ZNF235: variants seen among roughly 807,000 people sequenced by gnomAD.
ZNF235 encodes the protein zfp-93.
ZNF235 carries 25 observed loss-of-function variants against 29.4 expected under a neutral mutation model. That is an observed-to-expected ratio of 0.85 (90% confidence interval 0.62 to 1.19). The LOEUF (loss-of-function observed/expected upper bound fraction) is 1.19. Ranked by LOEUF, ZNF235 falls within the 50% of genes most tolerant of loss-of-function variation. ZNF235 has a pLI of 0.00. For synonymous variants in ZNF235, 300 were observed against 295.3 expected, an observed-to-expected ratio of 1.02 and a Z score of -0.16; for missense variants, 788 against 885.0, an observed-to-expected ratio of 0.89 and a Z score of 1.39.
intron 4 of ZNF235, among the ~76,000 whole-genome samples, chr19:44,297,647 G>A (rs1975671851): frequency 6.6e-6 from 1 of 151,992 alleles, no homozygotes; most frequent in Admixed American, 6.6e-5. Context: ...ATTTTTAGTA[G>A]AGACAGGGTT....
intron 2 of ZNF235, among the ~76,000 whole-genome samples, chr19:44,303,089 T>C (rs923171623): frequency 2.4e-4 from 22 of 92,432 alleles, no homozygotes; most frequent in Non-Finnish European, 3.5e-4. Context: ...ATAATACATA[T>C]ATACAAATAT....
intron 4 of ZNF235, chr19:44,290,356 T>C (rs1975570065): frequency 6.6e-6 from 1 of 152,576 alleles, no homozygotes; most frequent in Non-Finnish European, 1.5e-5. Context: ...GCCAGAATAG[T>C]TGATAAAAAA....
rs190134763 is a variant in ZNF235, at chr19:44,298,481, C to T, written c.238+327G>A. ...GCAGATCTCAGCTCACTGCAACCCA[C>T]GCCTCCCAGGTTCAAGCAATCCCCC... On this transcript the variant is annotated intron_variant, in intron 4 of 4. Transcript: ENST00000291182. Among the ~76,000 whole-genome samples, 40 of 152,062 alleles carry T rather than the reference C, an allele frequency of 2.6e-4. No homozygotes were observed. The East Asian group carries it at 5.4e-3, about 21-fold the overall frequency.
rs1290646332 is a variant in ZNF235, at chr19:44,287,511, G to T, written c.1924C>A (p.Leu642Ile). ...GTGTGAATTATCTGATGGACTTGAA[G>T]ATTTGACCTCTGGCTGAAGGCCTTA... ...CGKAFSQRSN[L>I]QVHQIIHTGE... Residue 642 changes from leucine to isoleucine, a missense_variant, in exon 5 of 5, where the codon CTT becomes ATT. By Grantham distance (5) the Leu-to-Ile change is conservative. Coordinates refer to ENST00000291182, the MANE Select transcript of ZNF235 (RefSeq NM_004234.4). 1 of 1,613,964 alleles carries T rather than the reference G, an allele frequency of 6.2e-7. No homozygotes were observed. Among genetic ancestry groups the T allele is most frequent in the Admixed American group, 1.7e-5 (1 of 59,994 alleles).
At position 44,288,077 on chromosome 19, in the gene ZNF235, T is replaced by C; in HGVS notation, c.1358A>G (p.His453Arg). 2.5e-6 allele frequency: 4 copies of C among 1,614,206 alleles called. No individual in the cohort carries two copies. Among genetic ancestry groups the C allele is most frequent in the Non-Finnish European group, 3.4e-6 (4 of 1,180,036 alleles). Residue 453 changes from histidine (H) to arginine (R), a missense_variant, in exon 5 of 5, where the codon CAC becomes CGC. By Grantham distance (29) the His-to-Arg change is conservative (BLOSUM62 0). Transcript: ENST00000291182. ...SSNLHTHQRV[H>R]TEEKPYKCDE... Reference sequence around the variant, plus strand: ...ACATTTGTATGGTTTTTCTTCAGTGTGGACTCTCTGATGGGTATGAAGATT... The same window carrying C: ...ACATTTGTATGGTTTTTCTTCAGTGCGGACTCTCTGATGGGTATGAAGATT...
In ZNF235 at chr19:44,287,692, A is replaced by T. The variant is rs769072426; in HGVS notation, c.1743T>A (p.Ser581Arg). The T allele has an allele frequency of 6.2e-7, 1 of 1,612,812 alleles. No individual in the cohort carries two copies. Among genetic ancestry groups the T allele is most frequent in the Non-Finnish European group, 8.5e-7 (1 of 1,179,638 alleles). The change falls in exon 5 of 5, where the codon AGT becomes AGA. Residue 581 changes from serine to arginine, a missense_variant. Physicochemically the swap from Ser to Arg is moderately radical, Grantham distance 110 (BLOSUM62 -1). Coordinates refer to ENST00000291182, the MANE Select transcript of ZNF235 (RefSeq NM_004234.4). ...GATGGGCTTGAAGATTTGAAGCCTG[A>T]CTGAAACCCTTACCACACTCTTCAC... is the stretch of plus-strand genomic sequence containing the variant. ...YKCEECGKGF[S>R]QASNLQAHQS... is the part of the protein sequence containing the mutation.
rs1039886784 is a variant in ZNF235 at position 44,286,441 on chromosome 19, C to T, written c.*777G>A. On this transcript the variant is annotated 3_prime_UTR_variant, in exon 5 of 5. Transcript: ENST00000291182. Reference sequence around the variant, plus strand: ...CAGTACAGCTTAGTGTCCAAAAATTCTAATCATGTAAATTGCAGGGTCACA... The same window carrying T: ...CAGTACAGCTTAGTGTCCAAAAATTTTAATCATGTAAATTGCAGGGTCACA... 1 of 152,172 alleles carries T rather than the reference C, an allele frequency of 6.6e-6. No individual in the cohort carries two copies. The highest frequency in any genetic ancestry group is 1.5e-5 in the Non-Finnish European group (1 of 68,038). 9.4% of individuals were successfully genotyped at this position (152,172 alleles called of 1,614,324 possible).
intron 2 of ZNF235, among the ~76,000 whole-genome samples, chr19:44,302,884 A>C (rs994435494): frequency 3.0e-4 from 42 of 140,300 alleles, no homozygotes; most frequent in Non-Finnish European, 5.1e-4. Flanking sequence ...GTATGTGTTT[A>C]TATATACATA....
In ZNF235 at chr19:44,287,952, C is replaced by G. The variant is rs377265887; in HGVS notation, c.1483G>C (p.Gly495Arg). ...TGGAAACTTGAGGCTGAACTAAAAC[C>G]CTTACCACACTCTTCACATTTATAT... Reference protein sequence around the residue: ...KPYKCEECGKGFSSASSFQSH... With the variant: ...KPYKCEECGKRFSSASSFQSH... Residue 495 changes from glycine (G) to arginine (R), a missense_variant, in exon 5 of 5, where the codon GGT becomes CGT. Coordinates refer to ENST00000291182, the MANE Select transcript of ZNF235 (RefSeq NM_004234.4). 142 of 1,613,922 alleles carry G rather than the reference C, an allele frequency of 8.8e-5. No individual in the cohort carries two copies. The highest frequency in any genetic ancestry group is 1.6e-4 in the Middle Eastern group (1 of 6,084).
chr19:44,287,144 AATC>A lies in ZNF235; in HGVS notation c.*71_*73del. 6.9e-7 allele frequency: 1 copy of A among 1,440,854 alleles called. No individual in the cohort carries two copies. The highest frequency in any genetic ancestry group is 9.3e-7 in the Non-Finnish European group (1 of 1,078,562). 89.3% of individuals were successfully genotyped at this position (1,440,854 alleles called of 1,614,324 possible). ...TTCTAGTTTTAAAGGAACTTTTCACAATCATCAGCATGGACTTCCCAACGGAGA... is the reference window on the plus strand; with the variant it reads ...TTCTAGTTTTAAAGGAACTTTTCACAATCAGCATGGACTTCCCAACGGAGA... On this transcript the variant is annotated 3_prime_UTR_variant, in exon 5 of 5. Transcript: ENST00000291182.
At chr19:44,294,883 C>T (rs1267577753) in intron 4 of ZNF235, among the ~76,000 whole-genome samples, 2 of 152,118 alleles carry the variant, frequency 1.3e-5, no homozygotes, top group African/African-American at 4.8e-5. Context: ...TGACAAAATT[C>T]AGCATCCTCT....
rs762906182 is a variant in ZNF235, at chr19:44,303,347, A to G, written c.15+43T>C. On this transcript the variant is annotated intron_variant, in intron 2 of 4. Transcript: ENST00000291182. ...GAAAAATGTGTCCAATCTTTGTGAA[A>G]TGAGATGTCATTTTAAGAAACACAA... is the stretch of plus-strand genomic sequence containing the variant. 5.6e-6 allele frequency: 9 copies of G among 1,603,056 alleles called. No homozygotes were observed. The South Asian group carries it at 9.9e-5, about 18-fold the overall frequency.
At position 44,304,975 on chromosome 19, in the gene ZNF235, C is replaced by G; in HGVS notation, c.-53G>C. ...GGAGACCCGGAGCTGACTCACCTCC[C>G]TGGGAGATATCTCAGATCCGACCTC... On this transcript the variant is annotated 5_prime_UTR_variant, in exon 1 of 5. Transcript: ENST00000291182. 2 of 981,470 alleles carry G rather than the reference C, an allele frequency of 2.0e-6. No individual in the cohort carries two copies. Among genetic ancestry groups the G allele is most frequent in the Non-Finnish European group, 2.4e-6 (2 of 826,290 alleles). 60.8% of individuals were successfully genotyped at this position (981,470 alleles called of 1,614,324 possible).
chr19:44,300,839 CAAAAA>C (rs143676501), intron 2 of ZNF235, among the ~76,000 whole-genome samples: 2 of 95,894 alleles, frequency 2.1e-5, no homozygotes, highest in Admixed American at 1.1e-4. Context: ...GACTCCGTCT[CAAAAA>C]AAAAAAAAAA....
Position 44,287,486 on chromosome 19 carries a change from G to T in ZNF235, c.1949C>A (p.Thr650Asn). Residue 650 changes from threonine (T) to asparagine (N), a missense_variant, in exon 5 of 5, where the codon ACT becomes AAT. Physicochemically the swap from Thr to Asn is moderately conservative, Grantham distance 65. Transcript: ENST00000291182. Reference protein sequence around the residue: ...SNLQVHQIIHTGEKPFKCEEC... With the variant: ...SNLQVHQIIHNGEKPFKCEEC... ...CTCACATTTAAATGGTTTCTCTCCAGTGTGAATTATCTGATGGACTTGAAG... is the reference window on the plus strand; with the variant it reads ...CTCACATTTAAATGGTTTCTCTCCATTGTGAATTATCTGATGGACTTGAAG... 1.2e-6 allele frequency: 2 copies of T among 1,614,098 alleles called. No homozygotes were observed.
rs1975508505 is a variant in ZNF235, at chr19:44,287,669, T to C, written c.1766A>G (p.His589Arg). The C allele has an allele frequency of 6.2e-7, 1 of 1,613,904 alleles. No individual in the cohort carries two copies. The highest frequency in any genetic ancestry group is 1.1e-5 in the South Asian group (1 of 91,084). Residue 589 changes from histidine (H) to arginine (R), a missense_variant, in exon 5 of 5, where the codon CAT becomes CGT. Coordinates refer to ENST00000291182, the MANE Select transcript of ZNF235 (RefSeq NM_004234.4). ...TTTTTCCCCAGTGTGGACGCTCTGA[T>C]GGGCTTGAAGATTTGAAGCCTGACT... ...GFSQASNLQA[H>R]QSVHTGEKPF...
intron 4 of ZNF235, chr19:44,290,646 G>A (rs2123093501): frequency 6.5e-6 from 1 of 154,456 alleles, no homozygotes. Context: ...GCCAAGATCT[G>A]CAGTTATGAA....
At chr19:44,298,938 A>C in intron 3 of ZNF235, 35 bp from the exon 4 acceptor site, 1 of 1,537,380 alleles carries the variant, frequency 6.5e-7, no homozygotes, top group Middle Eastern at 1.7e-4. Context: ...AAAATGTTAA[A>C]GGCAAAGAGT....
intron 4 of ZNF235, among the ~76,000 whole-genome samples, chr19:44,294,312 C>A (rs1224733640): frequency 2.0e-5 from 3 of 152,016 alleles, no homozygotes; most frequent in Admixed American, 2.0e-4. Context: ...AAAATGAATT[C>A]CTGGAAACAT....
Sources: gnomAD v4.1 joint callset for allele counts (sites outside exome capture counted in the v4.1 genomes callset) on GRCh38, gnomAD v4.1.1 for gene constraint, MANE v1.5 for transcripts, NCBI Gene and HGNC (gene_info 2026-07-23, HGNC 2026-07-21) for gene names.